The following CADPS variants were observed in gnomAD, a reference collection of about 807,000 sequenced individuals.
The protein encoded by CADPS is calcium-dependent secretion activator 1.
In CADPS, 57 loss-of-function variants were observed where a neutral mutation model predicts 167.3. The observed-to-expected ratio is 0.34, with a 90% CI of 0.28 to 0.42. CADPS has a LOEUF of 0.42. Among genes scored for constraint, CADPS ranks in the 20% least tolerant of loss-of-function variants. The pLI is 1.00. For synonymous variants in CADPS, 676 were observed against 635.3 expected, an observed-to-expected ratio of 1.06 and a Z score of -0.96; for missense variants, 1,414 against 1,738.1, an observed-to-expected ratio of 0.81 and a Z score of 3.32.
chr3:62,733,344 T>G (rs1442388992), intron 3 of CADPS, among the ~76,000 whole-genome samples: 1 of 152,228 alleles, frequency 6.6e-6, no homozygotes, highest in Non-Finnish European at 1.5e-5. Flanking sequence ...TGCTTCAGAA[T>G]TTGAAGAAAC....
intron 2 of CADPS, among the ~76,000 whole-genome samples, chr3:62,761,992 G>A (rs2152478444): frequency 6.6e-6 from 1 of 152,324 alleles, no homozygotes; most frequent in South Asian, 2.1e-4. Context: ...TGAGAACCAT[G>A]GGGACCTTGG....
intron 1 of CADPS, among the ~76,000 whole-genome samples, chr3:62,787,030 A>C (rs1042789041): frequency 6.6e-6 from 1 of 152,054 alleles, no homozygotes; most frequent in African/African-American, 2.4e-5. Context: ...ATAGTGGCTC[A>C]TGTCTGTAAT....
At chr3:62,599,613 A>G (rs2059426681) in intron 6 of CADPS, among the ~76,000 whole-genome samples, 2 of 53,524 alleles carry the variant, frequency 3.7e-5, no homozygotes, top group African/African-American at 7.1e-5. Context: ...TTATTATATT[A>G]TATATAATAT....
chr3:62,559,330 G>A (rs1383325453), intron 9 of CADPS, among the ~76,000 whole-genome samples: 1 of 152,070 alleles, frequency 6.6e-6, no homozygotes, highest in Non-Finnish European at 1.5e-5. Context: ...CTAGAAAGTT[G>A]AGTACATACA....
chr3:62,637,955 C>T (rs72874449), intron 6 of CADPS, among the ~76,000 whole-genome samples: 7,330 of 151,952 alleles, frequency 0.048, 600 homozygotes, highest in African/African-American at 0.17. Context: ...CGTTAATGAT[C>T]ACTGTTTTAG....
intron 1 of CADPS, among the ~76,000 whole-genome samples, chr3:62,828,269 G>A (rs966786312): frequency 6.6e-6 from 1 of 152,188 alleles, no homozygotes; most frequent in African/African-American, 2.4e-5. Context: ...CAGGGCTCCA[G>A]ATGGCAATTC....
rs766969630 is a variant in CADPS, at chr3:62,601,299, A to G, written c.1326-8551T>C. ...TAGCTTACTCATTTTTGTTTTGTCT[A>G]TGGCTTCTTTTGTGCAGCAATGGCA... On this transcript the variant is annotated intron_variant, in intron 6 of 29. Transcript: ENST00000383710. This position sits in a 1 kb window ranked among gnomAD's most constrained non-coding sequence, Gnocchi z 4.3. Among the ~76,000 whole-genome samples the G allele has an allele frequency of 1.3e-5, 2 of 152,180 alleles. No individual in the cohort carries two copies. The highest frequency in any genetic ancestry group is 1.5e-5 in the Non-Finnish European group (1 of 68,034).
chr3:62,718,740 G>A (rs1187890530), intron 3 of CADPS, among the ~76,000 whole-genome samples: 3 of 152,236 alleles, frequency 2.0e-5, no homozygotes, highest in Admixed American at 6.5e-5. Context: ...ATTCCCAGGA[G>A]GGAACATATT....
Position 62,512,763 on chromosome 3 carries a change from G to T in CADPS, c.2587C>A (p.Gln863Lys). Residue 863 changes from glutamine to lysine, a missense_variant, in exon 17 of 30, where the codon CAA (glutamine) becomes AAA (lysine). By Grantham distance (53) the Gln-to-Lys change is moderately conservative. This residue lies in a region of CADPS where 529 missense variants were observed against 629.6 expected (regional missense o/e 0.84). Transcript: ENST00000383710. ...LSEYAKIEEN[Q>K]KDAENVGRLI... The stretch of plus-strand genomic sequence containing the variant: ...ACAATTGGTTCACCTGCATCCTTTT[G>T]ATTCTCTATTTGAAAGAGAGAGCAC... 6.2e-7 allele frequency: 1 copy of T among 1,604,338 alleles called. No individual in the cohort carries two copies. Among genetic ancestry groups the T allele is most frequent in the South Asian group, 1.1e-5 (1 of 89,724 alleles).
At chr3:62,600,832 T>G (rs895873523) in intron 6 of CADPS, among the ~76,000 whole-genome samples, 1 of 152,182 alleles carries the variant, frequency 6.6e-6, no homozygotes, top group Non-Finnish European at 1.5e-5. Context: ...ATTATAAATA[T>G]AGCCAGATGG....
intron 1 of CADPS, among the ~76,000 whole-genome samples, chr3:62,816,482 CA>C (rs1487746158): frequency 6.6e-6 from 1 of 152,018 alleles, no homozygotes; most frequent in South Asian, 2.1e-4. Context: ...TTAACAACAA[CA>C]AAAAAATCAA....
intron 3 of CADPS, among the ~76,000 whole-genome samples, chr3:62,746,010 C>T (rs746932093): frequency 2.0e-5 from 3 of 152,114 alleles, no homozygotes; most frequent in Non-Finnish European, 2.9e-5. Flanking sequence ...CACTGAGGAG[C>T]CCATTTTAGG....
At chr3:62,497,429 T>C (rs912496314) in intron 18 of CADPS, among the ~76,000 whole-genome samples, 4 of 152,200 alleles carry the variant, frequency 2.6e-5, no homozygotes, top group Non-Finnish European at 5.9e-5. Context: ...AGCCCCTCCA[T>C]GCCTCTGGAG....
intron 1 of CADPS, among the ~76,000 whole-genome samples, chr3:62,797,380 G>T (rs112606918): frequency 6.6e-6 from 1 of 151,990 alleles, no homozygotes; most frequent in Non-Finnish European, 1.5e-5. Context: ...TGCAGTAGAC[G>T]CCCATAAAAT....
At chr3:62,822,801 C>A (rs1022373095) in intron 1 of CADPS, among the ~76,000 whole-genome samples, 6 of 151,958 alleles carry the variant, frequency 3.9e-5, no homozygotes, top group Admixed American at 3.3e-4. Context: ...AAGATCGCAC[C>A]ACTGCATTCC....
intron 1 of CADPS, among the ~76,000 whole-genome samples, chr3:62,828,251 C>T (rs959693186): frequency 2.6e-5 from 4 of 152,144 alleles, no homozygotes; most frequent in Admixed American, 6.6e-5. Flanking sequence ...TCTTCTAAGT[C>T]GTGGAGCCAG....
intron 16 of CADPS, 24 bp from the exon 17 acceptor site, chr3:62,512,792 A>G (rs1189763021): frequency 1.3e-6 from 2 of 1,599,226 alleles, no homozygotes; most frequent in Non-Finnish European, 1.7e-6. Flanking sequence ...AGAGCACAAC[A>G]AGGAGAGAAG....
chr3:62,846,274 G>C (rs1259674481), intron 1 of CADPS, among the ~76,000 whole-genome samples: 1 of 152,166 alleles, frequency 6.6e-6, no homozygotes, highest in East Asian at 1.9e-4. Context: ...AATACAGTAA[G>C]TGATCAGATT....
chr3:62,432,922 C>T (rs2054259000), intron 28 of CADPS, among the ~76,000 whole-genome samples: 1 of 152,080 alleles, frequency 6.6e-6, no homozygotes, highest in African/African-American at 2.4e-5. Context: ...ATGCCATATG[C>T]CTTGAATTTC....
Sources: allele counts gnomAD v4.1 joint callset (sites outside exome capture counted in the v4.1 genomes callset), GRCh38; gene constraint gnomAD v4.1.1; regional missense constraint gnomAD v4.1.1; non-coding constraint Gnocchi (gnomAD v3.1); transcripts MANE v1.5; gene names NCBI Gene and HGNC (gene_info 2026-07-23, HGNC 2026-07-21).